Variants in AFF1 observed in about 807,000 individuals in gnomAD.
The protein encoded by AFF1 is AF4/FMR2 family member 1.
Under a neutral mutation model 121.7 loss-of-function variants are expected in AFF1, and 48 were observed. That is an observed-to-expected ratio of 0.39 (90% CI 0.31 to 0.50). AFF1 has a LOEUF of 0.50. Ranked by LOEUF, AFF1 falls within the 20% of genes least tolerant of loss-of-function variation. AFF1 has a pLI of 0.76. For missense variants in AFF1, 1,523 were observed against 1,511.7 expected, an observed-to-expected ratio of 1.01 and a Z score of -0.12; for synonymous variants, 613 against 563.0, an observed-to-expected ratio of 1.09 and a Z score of -1.26.
intron 8 of AFF1, among the ~76,000 whole-genome samples, chr4:87,097,132 A>AG (rs1724958558): frequency 6.6e-6 from 1 of 152,236 alleles, no homozygotes; most frequent in Non-Finnish European, 1.5e-5. Context: ...CAAGCCCTGT[A>AG]GACCATAAAA....
chr4:87,080,116 T>C (rs1032195628), intron 4 of AFF1, among the ~76,000 whole-genome samples: 6 of 151,878 alleles, frequency 4.0e-5, no homozygotes, highest in African/African-American at 1.5e-4. Context: ...TGCTGGGAGG[T>C]TGGTCTACAT....
At chr4:87,053,404 A>G (rs932462882) in intron 4 of AFF1, among the ~76,000 whole-genome samples, 1 of 152,238 alleles carries the variant, frequency 6.6e-6, no homozygotes, top group Non-Finnish European at 1.5e-5. Context: ...CAGCCTAACA[A>G]CTGCATGAAT....
intron 2 of AFF1, among the ~76,000 whole-genome samples, chr4:87,007,801 G>C (rs897304573): frequency 1.3e-5 from 2 of 152,128 alleles, no homozygotes; most frequent in Admixed American, 6.5e-5. Context: ...GTTGTCTCGA[G>C]GGGAAGTTTA....
chr4:87,029,029 C>T (rs1019615869), intron 2 of AFF1, among the ~76,000 whole-genome samples: 16 of 152,144 alleles, frequency 1.1e-4, no homozygotes, highest in African/African-American at 3.9e-4. Context: ...TGAGTGTCCT[C>T]CCAGGTAAAT....
rs140297076 is a variant in AFF1, at chr4:87,035,095, G to C, written c.39-11071G>C. ...CCTAGGTATCCCAGAAATGGAGGCA[G>C]GGATACTGAGGAAGACTTTTGAAAG... On this transcript the variant is annotated intron_variant, in intron 2 of 20. Coordinates refer to ENST00000395146, the MANE Select transcript of AFF1 (RefSeq NM_001166693.3). Among the ~76,000 whole-genome samples the C allele has an allele frequency of 3.3e-3, 497 of 152,246 alleles. 3 individuals are homozygous for C. Among genetic ancestry groups the C allele is most frequent in the African/African-American group, 9.8e-3 (409 of 41,538 alleles).
At chr4:87,000,792 T>C (rs1453046106) in intron 2 of AFF1, among the ~76,000 whole-genome samples, 1 of 152,034 alleles carries the variant, frequency 6.6e-6, no homozygotes, top group Non-Finnish European at 1.5e-5. Flanking sequence ...TGGAAAACTG[T>C]AGACCAGATC....
chr4:86,978,177 CT>C (rs10676975), intron 2 of AFF1, among the ~76,000 whole-genome samples: 729 of 39,166 alleles, frequency 0.019, 1 homozygote, highest in South Asian at 0.045. Flanking sequence ...ATTACATTCA[CT>C]TTTTTTTTTT....
chr4:87,091,283 G>A (rs1578231167), intron 6 of AFF1, among the ~76,000 whole-genome samples: 1 of 151,994 alleles, frequency 6.6e-6, no homozygotes, highest in African/African-American at 2.4e-5. Flanking sequence ...GGCACCTGTA[G>A]TCCCAGCTAC....
chr4:87,127,123 A>G lies in AFF1; in HGVS notation c.2903+6A>G. ...CCTCAAGTGAAGTTTGACAAGTAAGACTTCAGATGATTTCTTCTTGCTCTG... is the reference window on the plus strand; with the variant it reads ...CCTCAAGTGAAGTTTGACAAGTAAGGCTTCAGATGATTTCTTCTTGCTCTG... On this transcript the variant is annotated splice_donor_region_variant and intron_variant, in intron 15 of 20. Transcript: ENST00000395146. 1.3e-6 allele frequency: 2 copies of G among 1,597,664 alleles called. No homozygotes were observed. The highest frequency in any genetic ancestry group is 1.7e-5 in the Admixed American group (1 of 59,534).
chr4:87,017,102 T>G (rs1379745398), intron 2 of AFF1, among the ~76,000 whole-genome samples: 2 of 3,574 alleles, frequency 5.6e-4, no homozygotes, highest in East Asian at 0.014. Context: ...TATATATGTG[T>G]TTTTTTTTTT....
intron 5 of AFF1, among the ~76,000 whole-genome samples, chr4:87,084,589 TAAATAAATAAATAAA>T (rs1338032232): frequency 0.015 from 2,047 of 140,380 alleles, 47 homozygotes; most frequent in African/African-American, 0.053. Flanking sequence ...AATAAATAAA[TAAATAAATAAATAAA>T]AAATAAAGAA....
At chr4:86,945,662 A>C (rs1720809472) in intron 1 of AFF1, among the ~76,000 whole-genome samples, 1 of 151,802 alleles carries the variant, frequency 6.6e-6, no homozygotes, top group Non-Finnish European at 1.5e-5. Flanking sequence ...CACCATGCCC[A>C]GCTAATTTTT....
At chr4:87,086,314 T>C (rs1188315668) in intron 5 of AFF1, among the ~76,000 whole-genome samples, 1 of 152,190 alleles carries the variant, frequency 6.6e-6, no homozygotes, top group Non-Finnish European at 1.5e-5. Flanking sequence ...ATGCTCCTCT[T>C]AGGTTTCGGT....
intron 7 of AFF1, among the ~76,000 whole-genome samples, chr4:87,092,578 TG>T (rs1560617028): frequency 6.6e-6 from 1 of 152,154 alleles, no homozygotes; most frequent in Non-Finnish European, 1.5e-5. Flanking sequence ...AGCTAGTTTT[TG>T]TAAATAAAGT....
rs748638452 is a variant in AFF1, at chr4:87,126,986, A to G, written c.2812-40A>G. On this transcript the variant is annotated intron_variant, in intron 14 of 20. Coordinates refer to ENST00000395146, the MANE Select transcript of AFF1 (RefSeq NM_001166693.3). ...GGTACTTTTAGGACAGTGGTCTTAA[A>G]TGTTAGAGTGTAATCTGTATATTGA... The G allele has an allele frequency of 1.9e-5, 29 of 1,556,654 alleles. No homozygotes were observed. In the South Asian group the frequency reaches 2.3e-4, roughly 13 times the overall value.
intron 2 of AFF1, among the ~76,000 whole-genome samples, chr4:87,041,576 A>G (rs1465087505): frequency 2.0e-5 from 3 of 152,194 alleles, no homozygotes; most frequent in African/African-American, 7.2e-5. Flanking sequence ...TCAGCTAAGG[A>G]GAACTTGTAA....
chr4:87,054,202 G>C (rs777495392), intron 4 of AFF1, among the ~76,000 whole-genome samples: 23 of 152,222 alleles, frequency 1.5e-4, no homozygotes, highest in African/African-American at 3.6e-4. Flanking sequence ...CCTCCCCTAG[G>C]GGGGCTGAGT....
intron 2 of AFF1, among the ~76,000 whole-genome samples, chr4:87,018,489 A>G (rs1257020895): frequency 6.6e-6 from 1 of 152,232 alleles, no homozygotes; most frequent in African/African-American, 2.4e-5. Context: ...TCTAGAATGT[A>G]CATGGAAGTA....
At chr4:87,017,011 T>TA (rs1727362147) in intron 2 of AFF1, among the ~76,000 whole-genome samples, 2 of 152,120 alleles carry the variant, frequency 1.3e-5, no homozygotes, top group Admixed American at 1.3e-4. Flanking sequence ...CCCAATTTTT[T>TA]AAAAAATTGT....
Sources: gnomAD v4.1 joint callset for allele counts (sites outside exome capture counted in the v4.1 genomes callset) on GRCh38, gnomAD v4.1.1 for gene constraint, MANE v1.5 for transcripts, NCBI Gene and HGNC (gene_info 2026-07-23, HGNC 2026-07-21) for gene names.